The following DMRT1 variants were observed in gnomAD, a reference collection of about 807,000 sequenced individuals.
DMRT1 encodes the protein doublesex and mab-3 related transcription factor 1, also known as doublesex- and mab-3-related transcription factor 1.
Under a neutral mutation model 32.3 loss-of-function variants are expected in DMRT1, and 7 were observed. That is an observed-to-expected ratio of 0.22 (90% CI 0.12 to 0.41). The LOEUF is 0.41. Among genes scored for constraint, DMRT1 ranks in the 10% least tolerant of loss-of-function variants. DMRT1 has a pLI of 1.00. For missense variants in DMRT1, 625 were observed against 500.5 expected (o/e 1.25, Z -2.37); for synonymous variants, 278 against 206.1 (o/e 1.35, Z -2.99).
At chr9:951,552 G>C (rs916935432) in intron 4 of DMRT1, among the ~76,000 whole-genome samples, 1 of 152,210 alleles carries the variant, frequency 6.6e-6, no homozygotes, top group African/African-American at 2.4e-5. Context: ...ATGTCTAGAA[G>C]CTTCCTCTTT....
chr9:955,201 C>G (rs1389311497), intron 4 of DMRT1, among the ~76,000 whole-genome samples: 1 of 151,956 alleles, frequency 6.6e-6, no homozygotes, highest in Non-Finnish European at 1.5e-5. Context: ...GGGCACTTGT[C>G]CAGTGCTCCT....
chr9:934,235 T>C (rs1281688985), intron 4 of DMRT1, among the ~76,000 whole-genome samples: 1 of 152,038 alleles, frequency 6.6e-6, no homozygotes, highest in Non-Finnish European at 1.5e-5. Context: ...ACATATTTTC[T>C]CCCATTTCGT....
intron 4 of DMRT1, among the ~76,000 whole-genome samples, chr9:944,923 C>T (rs1382317471): frequency 6.6e-6 from 1 of 151,878 alleles, no homozygotes; most frequent in East Asian, 1.9e-4. Flanking sequence ...TTTGGTAAAT[C>T]TAGTTGCCTA....
intron 4 of DMRT1, among the ~76,000 whole-genome samples, chr9:964,366 C>G (rs530649102): frequency 3.9e-5 from 6 of 151,928 alleles, no homozygotes; most frequent in Admixed American, 6.6e-5. Flanking sequence ...AAATAACATC[C>G]CAGTAGCTTC....
chr9:929,572 G>C (rs945061838), intron 4 of DMRT1, among the ~76,000 whole-genome samples: 1 of 152,046 alleles, frequency 6.6e-6, no homozygotes, highest in African/African-American at 2.4e-5. Context: ...CATAGGTCCA[G>C]AAAGGTCAAA....
In DMRT1 at chr9:925,730, T is replaced by A. The variant is rs568777678; in HGVS notation, c.967+8823T>A. 4.7e-4 allele frequency among the ~76,000 whole-genome samples: 72 copies of A among 152,342 alleles called. 1 individual carries two copies. The highest frequency in any genetic ancestry group is 4.7e-3 in the Admixed American group (72 of 15,308). On this transcript the variant is annotated intron_variant, in intron 4 of 4. Coordinates refer to ENST00000382276, the MANE Select transcript of DMRT1 (RefSeq NM_021951.3). The stretch of plus-strand genomic sequence containing the variant: ...TCTGTAAGACAATATCTGACCACTC[T>A]GTGTATAACTCATTTAATTATCTGG...
At chr9:938,984 G>A (rs574967009) in intron 4 of DMRT1, among the ~76,000 whole-genome samples, 2 of 152,342 alleles carry the variant, frequency 1.3e-5, no homozygotes, top group East Asian at 3.9e-4. Flanking sequence ...TGGTGGAGTT[G>A]TCAACTGCTC....
At chr9:945,463 G>A (rs1322657529) in intron 4 of DMRT1, among the ~76,000 whole-genome samples, 1 of 152,142 alleles carries the variant, frequency 6.6e-6, no homozygotes, top group African/African-American at 2.4e-5. Flanking sequence ...GCCTGTTTCT[G>A]TCTTTCATAA....
intron 4 of DMRT1, among the ~76,000 whole-genome samples, chr9:922,018 C>G (rs1818369832): frequency 6.6e-6 from 1 of 151,510 alleles, no homozygotes; most frequent in Non-Finnish European, 1.5e-5. Flanking sequence ...GTAGCTAGGA[C>G]TACAGGTGAG....
chr9:853,749 C>T (rs1324987780), intron 2 of DMRT1, among the ~76,000 whole-genome samples: 3 of 151,888 alleles, frequency 2.0e-5, no homozygotes, highest in African/African-American at 7.3e-5. Context: ...AGGTGCTCCG[C>T]CTGCCTCGGC....
Position 916,881 on chromosome 9 carries a change from C to G in DMRT1, c.941C>G (p.Pro314Arg). The change falls in exon 4 of 5, where the codon CCC becomes CGC. Residue 314 changes from proline (P) to arginine (R), a missense_variant. Physicochemically the swap from Pro to Arg is moderately radical, Grantham distance 103 (BLOSUM62 -2). Around this residue, in one of 3 missense-constraint regions of DMRT1, gnomAD observed 416 missense variants for 321.6 expected, o/e 1.29. Coordinates refer to ENST00000382276, the MANE Select transcript of DMRT1 (RefSeq NM_021951.3). ...VPQFFTFEDA[P>R]SYPEARASVF... is the part of the protein sequence containing the mutation. ...CAGTTCTTCACTTTTGAGGATGCTC[C>G]CTCTTACCCGGAAGCCAGGGCGAGC... is the stretch of plus-strand genomic sequence containing the variant. 6.2e-7 allele frequency: 1 copy of G among 1,614,168 alleles called. No homozygotes were observed. The highest frequency in any genetic ancestry group is 8.5e-7 in the Non-Finnish European group (1 of 1,180,032).
intron 2 of DMRT1, among the ~76,000 whole-genome samples, chr9:875,310 G>A (rs1160788416): frequency 6.6e-6 from 1 of 152,152 alleles, no homozygotes; most frequent in Admixed American, 6.6e-5. Context: ...ACCAGGTGCT[G>A]CCCACAGACT....
At chr9:905,635 G>A (rs899665098) in intron 3 of DMRT1, among the ~76,000 whole-genome samples, 52 of 152,108 alleles carry the variant, frequency 3.4e-4, no homozygotes, top group African/African-American at 1.2e-3. Context: ...CTTTCATTGC[G>A]GTGCCCCGTT....
chr9:936,907 A>G (rs1277287885), intron 4 of DMRT1, among the ~76,000 whole-genome samples: 1 of 152,178 alleles, frequency 6.6e-6, no homozygotes, highest in African/African-American at 2.4e-5. Context: ...AAATGCATTC[A>G]CAATCTTGTA....
chr9:870,586 A>G (rs888695590), intron 2 of DMRT1, among the ~76,000 whole-genome samples: 2 of 151,794 alleles, frequency 1.3e-5, no homozygotes, highest in African/African-American at 4.8e-5. Flanking sequence ...AAGCTTTCTG[A>G]TACTTTTTTA....
At chr9:887,917 A>G (rs1359585581) in intron 2 of DMRT1, among the ~76,000 whole-genome samples, 3 of 152,252 alleles carry the variant, frequency 2.0e-5, no homozygotes, top group Non-Finnish European at 1.5e-5. Context: ...GAAAGCTTTG[A>G]ACATAGTTGT....
At chr9:934,243 C>G (rs983573140) in intron 4 of DMRT1, among the ~76,000 whole-genome samples, 1 of 151,566 alleles carries the variant, frequency 6.6e-6, no homozygotes, top group Non-Finnish European at 1.5e-5. Flanking sequence ...TCTCCCATTT[C>G]GTGAGTGGCC....
intron 2 of DMRT1, among the ~76,000 whole-genome samples, chr9:868,820 G>C (rs1816105079): frequency 6.6e-6 from 1 of 152,094 alleles, no homozygotes; most frequent in Non-Finnish European, 1.5e-5. Context: ...GATCAGCCTG[G>C]GCAACATGGT....
intron 4 of DMRT1, among the ~76,000 whole-genome samples, chr9:964,781 C>G (rs982767274): frequency 4.6e-5 from 7 of 152,144 alleles, no homozygotes; most frequent in African/African-American, 1.7e-4. Flanking sequence ...AGTGGAATTA[C>G]CAGGTCAGAG....
Sources: allele counts gnomAD v4.1 joint callset (sites outside exome capture counted in the v4.1 genomes callset), GRCh38; gene constraint gnomAD v4.1.1; regional missense constraint gnomAD v4.1.1; transcripts MANE v1.5; gene names NCBI Gene and HGNC (gene_info 2026-07-23, HGNC 2026-07-21).